The following EFNA5 variants were observed in gnomAD, a reference collection of about 807,000 sequenced individuals.
The protein encoded by EFNA5 is ephrin A5.
In EFNA5, 5 loss-of-function variants were observed where a neutral mutation model predicts 22.9. The ratio of observed to expected loss-of-function variants is 0.22; its 90% CI spans 0.11 to 0.46. EFNA5 has a LOEUF of 0.46. EFNA5 is among the 20% of genes least tolerant of loss of function. The pLI is 0.99. For synonymous variants in EFNA5, 113 were observed against 112.2 expected (o/e 1.01, Z -0.04); for missense variants, 237 against 293.3 (o/e 0.81, Z 1.40).
chr5:107,600,355 T>C (rs1028760071), intron 1 of EFNA5, among the ~76,000 whole-genome samples: 2 of 152,220 alleles, frequency 1.3e-5, no homozygotes. Context: ...CTACAAGATG[T>C]CAGTTACAAC....
At chr5:107,588,921 C>A (rs1420362387) in intron 1 of EFNA5, among the ~76,000 whole-genome samples, 1 of 152,152 alleles carries the variant, frequency 6.6e-6, no homozygotes, top group Admixed American at 6.5e-5. Flanking sequence ...GGCTGCAGTG[C>A]AAAGTGAAAA....
chr5:107,661,698 C>G (rs967050800), intron 1 of EFNA5, among the ~76,000 whole-genome samples: 1 of 152,188 alleles, frequency 6.6e-6, no homozygotes, highest in African/African-American at 2.4e-5. Flanking sequence ...TCATTTGTCT[C>G]CATAAAATTA....
intron 2 of EFNA5, among the ~76,000 whole-genome samples, chr5:107,406,168 A>G (rs1748213897): frequency 6.7e-6 from 1 of 148,764 alleles, no homozygotes; most frequent in South Asian, 2.1e-4. Context: ...TATTCTATGT[A>G]TTTATATACA....
At chr5:107,435,363 G>A (rs1271389175) in intron 1 of EFNA5, among the ~76,000 whole-genome samples, 2 of 129,652 alleles carry the variant, frequency 1.5e-5, no homozygotes, top group African/African-American at 3.0e-5. Flanking sequence ...TTAAAGCATC[G>A]AATACAAACA....
intron 1 of EFNA5, among the ~76,000 whole-genome samples, chr5:107,662,363 A>C (rs754070182): frequency 6.6e-6 from 1 of 152,228 alleles, no homozygotes; most frequent in Admixed American, 6.5e-5. Context: ...AATCAGGCTA[A>C]GTCAGGTTAC....
chr5:107,533,453 T>A (rs1047595542), intron 1 of EFNA5, among the ~76,000 whole-genome samples: 6 of 152,144 alleles, frequency 3.9e-5, no homozygotes, highest in Non-Finnish European at 8.8e-5. Flanking sequence ...GAAGAATAAC[T>A]ATAATACTTT....
At chr5:107,481,836 C>T (rs866417274) in intron 1 of EFNA5, among the ~76,000 whole-genome samples, 3 of 125,608 alleles carry the variant, frequency 2.4e-5, no homozygotes, top group South Asian at 2.6e-4. Flanking sequence ...GGTGGTAGAG[C>T]GAGACTCCAT....
chr5:107,585,990 T>A (rs964178457), intron 1 of EFNA5, among the ~76,000 whole-genome samples: 1 of 152,150 alleles, frequency 6.6e-6, no homozygotes, highest in Non-Finnish European at 1.5e-5. Context: ...AGCAGATCAC[T>A]CAAAGAGAAA....
At position 107,647,590 on chromosome 5, in the gene EFNA5, T is replaced by G. The variant is rs376917018; in HGVS notation, c.125+22899A>C. On this transcript the variant is annotated intron_variant, in intron 1 of 4. Transcript: ENST00000333274. ...CACAAAAGTTCAACTTGGATTAAGT[T>G]AAGTTGAACAGCTTTTATTAGATAA... is the stretch of plus-strand genomic sequence containing the variant. 3.7e-4 allele frequency among the ~76,000 whole-genome samples: 57 copies of G among 152,300 alleles called. 3 individuals are homozygous for G. The South Asian group carries it at 0.01, about 27-fold the overall frequency.
chr5:107,434,805 G>A (rs1014753007), intron 1 of EFNA5, among the ~76,000 whole-genome samples: 1 of 152,140 alleles, frequency 6.6e-6, no homozygotes, highest in African/African-American at 2.4e-5. Context: ...CTCATGAACT[G>A]GATAGTTGAT....
At chr5:107,624,729 T>G (rs938714039) in intron 1 of EFNA5, among the ~76,000 whole-genome samples, 2 of 152,092 alleles carry the variant, frequency 1.3e-5, no homozygotes, top group Admixed American at 1.3e-4. Flanking sequence ...ACAAATAACC[T>G]TAGCTAATTC....
intron 1 of EFNA5, among the ~76,000 whole-genome samples, chr5:107,611,315 C>T (rs1561448963): frequency 6.6e-6 from 1 of 152,116 alleles, no homozygotes; most frequent in African/African-American, 2.4e-5. Flanking sequence ...ACAAATGAAA[C>T]ATTAGTTGAT....
intron 1 of EFNA5, among the ~76,000 whole-genome samples, chr5:107,524,271 T>C (rs1747652735): frequency 6.6e-6 from 1 of 152,174 alleles, no homozygotes; most frequent in African/African-American, 2.4e-5. Flanking sequence ...GGAAGTAACA[T>C]AAAGCCATTG....
chr5:107,471,293 C>G lies in EFNA5; in HGVS notation c.126-43784G>C, dbSNP rs6887096. Reference sequence around the variant, plus strand: ...TACCTTCAGGCCTCTGTTGATTCCCCCTTTTTGCCTCCAATTCCCTCACTC... The same window carrying G: ...TACCTTCAGGCCTCTGTTGATTCCCGCTTTTTGCCTCCAATTCCCTCACTC... On this transcript the variant is annotated intron_variant, in intron 1 of 4. Coordinates refer to ENST00000333274, the MANE Select transcript of EFNA5 (RefSeq NM_001962.3). Among the ~76,000 whole-genome samples, 513 of 152,228 alleles carry G rather than the reference C, an allele frequency of 3.4e-3. 2 individuals carry two copies. Among genetic ancestry groups the G allele is most frequent in the African/African-American group, 0.012 (487 of 41,526 alleles).
chr5:107,559,145 T>A (rs1407556206), intron 1 of EFNA5, among the ~76,000 whole-genome samples: 1 of 152,248 alleles, frequency 6.6e-6, no homozygotes, highest in East Asian at 1.9e-4. Context: ...ATGCCCTGAT[T>A]CCCTATGCAA....
At chr5:107,489,414 G>C (rs1418166526) in intron 1 of EFNA5, among the ~76,000 whole-genome samples, 1 of 152,008 alleles carries the variant, frequency 6.6e-6, no homozygotes, top group Non-Finnish European at 1.5e-5. Flanking sequence ...CAGGTGATCT[G>C]CCTGCCCTGG....
At chr5:107,642,663 A>G (rs1301370170) in intron 1 of EFNA5, among the ~76,000 whole-genome samples, 1 of 152,208 alleles carries the variant, frequency 6.6e-6, no homozygotes, top group Non-Finnish European at 1.5e-5. Context: ...CCTGAAGGAC[A>G]TGAAACCAAG....
intron 1 of EFNA5, among the ~76,000 whole-genome samples, chr5:107,482,190 C>T (rs1194295513): frequency 6.6e-6 from 1 of 151,340 alleles, no homozygotes; most frequent in African/African-American, 2.4e-5. Flanking sequence ...CCTGTGGTCC[C>T]AGTTATTGGA....
chr5:107,663,586 T>C (rs1019266078), intron 1 of EFNA5, among the ~76,000 whole-genome samples: 1 of 152,150 alleles, frequency 6.6e-6, no homozygotes, highest in African/African-American at 2.4e-5. Flanking sequence ...TTATATCTTA[T>C]ATCTCCTAAG....
Sources: gnomAD v4.1 joint callset for allele counts (sites outside exome capture counted in the v4.1 genomes callset) on GRCh38, gnomAD v4.1.1 for gene constraint, MANE v1.5 for transcripts, NCBI Gene and HGNC (gene_info 2026-07-23, HGNC 2026-07-21) for gene names.